CCDC192: variants seen among roughly 807,000 people sequenced by gnomAD.
CCDC192 encodes coiled-coil domain containing 192.
At chr5:127,839,988 TCAGAAGAG>T (rs1750211973) in intron 5 of CCDC192, among the ~76,000 whole-genome samples, 1 of 152,202 alleles carries the variant, frequency 6.6e-6, no homozygotes, top group Non-Finnish European at 1.5e-5. Context: ...TGTAAAGTTC[TCAGAAGAG>T]CATATGACAC....
At chr5:127,837,587 A>C (rs375697914) in intron 5 of CCDC192, among the ~76,000 whole-genome samples, 2 of 18,124 alleles carry the variant, frequency 1.1e-4, no homozygotes, top group Non-Finnish European at 1.6e-4. Flanking sequence ...TCAGAATGTA[A>C]ACACTTTGTG....
intron 6 of CCDC192, among the ~76,000 whole-genome samples, chr5:127,932,267 C>T (rs113005563): frequency 0.18 from 27,375 of 151,808 alleles, 2,901 homozygotes; most frequent in Middle Eastern, 0.28. Context: ...TGCAATGGCA[C>T]GATCTTGGCT....
At chr5:127,890,188 G>T (rs1057309808) in intron 6 of CCDC192, among the ~76,000 whole-genome samples, 1 of 152,082 alleles carries the variant, frequency 6.6e-6, no homozygotes, top group Non-Finnish European at 1.5e-5. Context: ...GACTAGGCAG[G>T]ATAGTGAGAC....
intron 3 of CCDC192, among the ~76,000 whole-genome samples, chr5:127,776,841 G>T (rs1212670384): frequency 6.6e-6 from 1 of 152,236 alleles, no homozygotes; most frequent in African/African-American, 2.4e-5. Context: ...ATGGTGTTGA[G>T]CCTGCGCGTG....
intron 6 of CCDC192, among the ~76,000 whole-genome samples, chr5:127,891,522 C>T (rs1752731965): frequency 6.6e-6 from 1 of 152,176 alleles, no homozygotes; most frequent in Non-Finnish European, 1.5e-5. Flanking sequence ...TAAGGTCTCT[C>T]GTTCCACCTA....
intron 3 of CCDC192, among the ~76,000 whole-genome samples, chr5:127,763,249 C>T (rs527726199): frequency 5.5e-4 from 84 of 152,314 alleles, no homozygotes; most frequent in Non-Finnish European, 6.6e-4. Context: ...CTGCTTCTTG[C>T]CCCAAACCTG....
intron 5 of CCDC192, among the ~76,000 whole-genome samples, chr5:127,841,699 T>C (rs1750296180): frequency 6.6e-6 from 1 of 152,172 alleles, no homozygotes. Flanking sequence ...GACTACACTG[T>C]CTTAGAACAA....
chr5:127,918,588 C>T (rs965333677), intron 6 of CCDC192, among the ~76,000 whole-genome samples: 1 of 152,210 alleles, frequency 6.6e-6, no homozygotes, highest in African/African-American at 2.4e-5. Flanking sequence ...TTCAAACATG[C>T]TAATTTGCAT....
chr5:127,883,217 C>T (rs1343684559), intron 6 of CCDC192, among the ~76,000 whole-genome samples: 1 of 152,176 alleles, frequency 6.6e-6, no homozygotes, highest in South Asian at 2.1e-4. Flanking sequence ...GCAGAGATGT[C>T]TCCCCCACAG....
intron 3 of CCDC192, among the ~76,000 whole-genome samples, chr5:127,760,701 CAAAAAAAAAA>C (rs56177728): frequency 1.3e-4 from 7 of 54,942 alleles, no homozygotes; most frequent in African/African-American, 5.0e-4. Context: ...GATTCTGTCT[CAAAAAAAAAA>C]AAAAAAAAAA....
At chr5:127,877,630 G>A (rs547491177) in intron 6 of CCDC192, among the ~76,000 whole-genome samples, 1 of 151,798 alleles carries the variant, frequency 6.6e-6, no homozygotes, top group African/African-American at 2.4e-5. Flanking sequence ...AGGTTGTCAA[G>A]GCCATTGTTG....
chr5:127,825,515 C>T (rs1436007697), intron 5 of CCDC192, among the ~76,000 whole-genome samples: 1 of 152,184 alleles, frequency 6.6e-6, no homozygotes, highest in Admixed American at 6.5e-5. Context: ...AGGTTTATAT[C>T]CCTCCATTCA....
chr5:127,798,722 T>G (rs1386480603), intron 5 of CCDC192, among the ~76,000 whole-genome samples: 1 of 150,472 alleles, frequency 6.6e-6, no homozygotes, highest in Non-Finnish European at 1.5e-5. Context: ...TTTTTATACA[T>G]ACATATATAT....
intron 5 of CCDC192, among the ~76,000 whole-genome samples, chr5:127,862,714 A>T (rs1446942198): frequency 1.3e-5 from 2 of 152,186 alleles, no homozygotes; most frequent in African/African-American, 4.8e-5. Context: ...AGCTTATCTG[A>T]TGGTAATTTC....
At chr5:127,869,402 A>G (rs1751754080) in intron 5 of CCDC192, among the ~76,000 whole-genome samples, 1 of 152,206 alleles carries the variant, frequency 6.6e-6, no homozygotes, top group African/African-American at 2.4e-5. Flanking sequence ...TAGGTGGCCA[A>G]TAACTGTTAG....
chr5:127,783,332 C>T (rs1309101268), intron 3 of CCDC192, among the ~76,000 whole-genome samples: 1 of 152,108 alleles, frequency 6.6e-6, no homozygotes. Flanking sequence ...TATTGTTGTT[C>T]ACTTTGAAGA....
At chr5:127,871,773 A>T (rs1439158537) in intron 5 of CCDC192, among the ~76,000 whole-genome samples, 2 of 152,242 alleles carry the variant, frequency 1.3e-5, no homozygotes, top group Non-Finnish European at 1.5e-5. Context: ...CCATTCAGCA[A>T]TATGATACGA....
intron 6 of CCDC192, among the ~76,000 whole-genome samples, chr5:127,908,011 G>T (rs980338558): frequency 1.3e-5 from 2 of 152,208 alleles, no homozygotes; most frequent in Non-Finnish European, 2.9e-5. Flanking sequence ...CCTACTCAGG[G>T]TTGGTACTTT....
At chr5:127,814,918 A>G (rs1156275427) in intron 5 of CCDC192, among the ~76,000 whole-genome samples, 1 of 152,188 alleles carries the variant, frequency 6.6e-6, no homozygotes, top group Non-Finnish European at 1.5e-5. Flanking sequence ...GAATTTTTAA[A>G]AATATTTTTT....
Sources: allele counts gnomAD v4.1 joint callset (sites outside exome capture counted in the v4.1 genomes callset), GRCh38; gene constraint gnomAD v4.1.1; transcripts MANE v1.5; gene names NCBI Gene and HGNC (gene_info 2026-07-23, HGNC 2026-07-21).